TAAR8: variants seen among roughly 807,000 people sequenced by gnomAD.
TAAR8 encodes trace amine-associated receptor 8.
For missense variants in TAAR8, 459 were observed against 405.8 expected (o/e 1.13, Z -1.13); for synonymous variants, 157 against 152.7 (o/e 1.03, Z -0.21).
chr6:132,552,817 C>A (rs770043553), exon 1 of TAAR8: 1 of 1,614,106 alleles, frequency 6.2e-7, no homozygotes, highest in Non-Finnish European at 8.5e-7. Flanking sequence ...AGCTTTGGGT[C>A]TTTGCTGGCT....
In TAAR8 at chr6:132,553,236, G is replaced by A. The variant is rs747845684; in HGVS notation, c.544G>A (p.Ala182Thr). 3.7e-6 allele frequency: 6 copies of A among 1,614,218 alleles called. No individual in the cohort carries two copies. In the South Asian group the frequency reaches 4.4e-5, roughly 12 times the overall value. Residue 182 changes from alanine (A) to threonine (T), a missense_variant, in exon 1 of 1, where the codon GCT (alanine) becomes ACT (threonine). Transcript: ENST00000275200. ...TGATGGGCTGGAGGAATTAGTAAGT[G>A]CTCTCAACTGCGTAGGTGGCTGTCA...
At chr6:132,552,672 C>T, upstream of TAAR8, 1 of 1,567,570 alleles carries the variant, frequency 6.4e-7, no homozygotes, top group East Asian at 2.3e-5. Flanking sequence ...ACAGAAATAG[C>T]AAACAACAAA....
chr6:132,553,205 CAAT>C (rs1459099482), exon 1 of TAAR8: 2 of 1,614,124 alleles, frequency 1.2e-6, no homozygotes, highest in East Asian at 2.2e-5. Flanking sequence ...ACACAGGTGT[CAAT>C]GATGATGGGC....
chr6:132,553,311 A>G, exon 1 of TAAR8: 1 of 1,614,168 alleles, frequency 6.2e-7, no homozygotes. Context: ...GTTATTCTTC[A>G]TACCTACCCT....
chr6:132,552,808 G>C, exon 1 of TAAR8: 4 of 1,614,140 alleles, frequency 2.5e-6, no homozygotes, highest in Non-Finnish European at 3.4e-6. Context: ...ACGGCGTTTA[G>C]CTTTGGGTCT....
rs751900849 is a variant in TAAR8 at position 132,552,874 on chromosome 6, A to C, written c.182A>C (p.Gln61Pro). The C allele has an allele frequency of 3.7e-6, 6 of 1,614,082 alleles. No homozygotes were observed. In the African/African-American group the frequency reaches 4.0e-5, roughly 11 times the overall value. ...ATGACTTCTGTTCTTCATTTTAAGC[A>C]GCTGCACTCTCCAACCAATTTTCTC... is the stretch of plus-strand genomic sequence containing the variant. The change falls in exon 1 of 1, where the codon CAG (glutamine) becomes CCG (proline). Residue 61 changes from glutamine (Q) to proline (P), a missense_variant. Physicochemically the swap from Gln to Pro is moderately conservative, Grantham distance 76. Transcript: ENST00000275200.
exon 1 of TAAR8, chr6:132,553,239 C>G: frequency 6.2e-7 from 1 of 1,614,186 alleles, no homozygotes; most frequent in Non-Finnish European, 8.5e-7. Flanking sequence ...AGTAAGTGCT[C>G]TCAACTGCGT....
chr6:132,553,478 G>A (rs367973626), exon 1 of TAAR8: 19 of 1,614,036 alleles, frequency 1.2e-5, no homozygotes, highest in South Asian at 7.7e-5. Flanking sequence ...TGGGGGTCAC[G>A]GTACTAGCAT....
At chr6:132,552,851 G>T in exon 1 of TAAR8, 9 of 1,614,174 alleles carry the variant, frequency 5.6e-6, no homozygotes, top group Non-Finnish European at 7.6e-6. Context: ...TCTTAGTAAT[G>T]ACTTCTGTTC....
chr6:132,553,317 AC>A lies in TAAR8; in HGVS notation c.628del (p.Val211LeufsTer2), dbSNP rs1776408508. Reference sequence around the variant, plus strand: ...AGATTTTCTGTTATTCTTCATACCTACCCTTGTTATGATAATTCTTTACAGT... The same window carrying A: ...AGATTTTCTGTTATTCTTCATACCTACCTTGTTATGATAATTCTTTACAGT... On this transcript the variant is annotated frameshift_variant, in exon 1 of 1. Transcript: ENST00000275200. LOFTEE classifies it low-confidence loss of function (END_TRUNC). 1.2e-6 allele frequency: 2 copies of A among 1,614,018 alleles called. No individual in the cohort carries two copies. Among genetic ancestry groups the A allele is most frequent in the Non-Finnish European group, 1.7e-6 (2 of 1,180,020 alleles).
exon 1 of TAAR8, chr6:132,553,552 C>T: frequency 6.2e-7 from 1 of 1,614,026 alleles, no homozygotes; most frequent in South Asian, 1.1e-5. Flanking sequence ...GGCTTCCTGA[C>T]CCCTGCCTAT....
chr6:132,553,692 T>C (rs1776414304), exon 1 of TAAR8: 1 of 1,585,648 alleles, frequency 6.3e-7, no homozygotes, highest in African/African-American at 1.4e-5. Flanking sequence ...AAAGGCTAGT[T>C]CATCAACCAT....
chr6:132,552,759 G>A (rs766342142), exon 1 of TAAR8: 5 of 1,614,160 alleles, frequency 3.1e-6, no homozygotes, highest in Admixed American at 1.7e-5. Flanking sequence ...ATCTTGTATT[G>A]AAACTCCCTA....
exon 1 of TAAR8, chr6:132,552,874 A>G: frequency 6.2e-7 from 1 of 1,614,200 alleles, no homozygotes; most frequent in East Asian, 2.2e-5. Flanking sequence ...CATTTTAAGC[A>G]GCTGCACTCT....
rs1776413462 is a variant in TAAR8, at chr6:132,553,627, T to C, written c.935T>C (p.Leu312Pro). 6.2e-7 allele frequency: 1 copy of C among 1,613,998 alleles called. No homozygotes were observed. Among genetic ancestry groups the C allele is most frequent in the African/African-American group, 1.3e-5 (1 of 75,070 alleles). Reference sequence around the variant, plus strand: ...GCCATGAATCCTTTGATTTATGCTCTATTTTATCCTTGGTTTAGGAAAGCC... The same window carrying C: ...GCCATGAATCCTTTGATTTATGCTCCATTTTATCCTTGGTTTAGGAAAGCC... The change falls in exon 1 of 1, where the codon CTA becomes CCA. Residue 312 changes from leucine to proline, a missense_variant. Coordinates refer to ENST00000275200, the Ensembl canonical transcript of TAAR8.
exon 1 of TAAR8, chr6:132,553,049 C>T (rs377412353): frequency 2.6e-5 from 42 of 1,614,074 alleles, no homozygotes; most frequent in Middle Eastern, 1.6e-4. Flanking sequence ...ACTCTTCTGT[C>T]CTCCACTTGT....
At chr6:132,553,544 C>T (rs1441733123) in exon 1 of TAAR8, 3 of 1,614,018 alleles carry the variant, frequency 1.9e-6, no homozygotes, top group Non-Finnish European at 2.5e-6. Flanking sequence ...CCTTTATGGG[C>T]TTCCTGACCC....
exon 1 of TAAR8, chr6:132,553,273 G>A (rs1208502577): frequency 6.2e-7 from 1 of 1,614,064 alleles, no homozygotes; most frequent in Non-Finnish European, 8.5e-7. Flanking sequence ...ATTATTGTAA[G>A]TCAAGGCTGG....
At chr6:132,553,542 G>C (rs1308733440) in exon 1 of TAAR8, 1 of 1,613,832 alleles carries the variant, frequency 6.2e-7, no homozygotes, top group Non-Finnish European at 8.5e-7. Flanking sequence ...TGCCTTTATG[G>C]GCTTCCTGAC....
Sources: allele counts gnomAD v4.1 joint callset, GRCh38; gene constraint gnomAD v4.1.1; transcripts MANE v1.5; gene names NCBI Gene and HGNC (gene_info 2026-07-23, HGNC 2026-07-21).